Variants in KALRN observed in about 807,000 individuals in gnomAD.
KALRN encodes the protein kalirin.
A neutral mutation model predicts 353.7 loss-of-function variants in KALRN; 70 were observed. That is an observed-to-expected ratio of 0.20 (90% CI 0.16 to 0.24). The LOEUF (loss-of-function observed/expected upper bound fraction) is 0.24. Ranked by LOEUF, KALRN falls within the 10% of genes least tolerant of loss-of-function variation. The pLI is 1.00. For missense variants in KALRN, 2,791 were observed against 3,756.7 expected (o/e 0.74, Z 6.72); for synonymous variants, 1,391 against 1,434.8 (o/e 0.97, Z 0.69).
intron 25 of KALRN, among the ~76,000 whole-genome samples, chr3:124,473,576 A>G (rs561337488): frequency 8.5e-5 from 13 of 152,236 alleles, no homozygotes; most frequent in Non-Finnish European, 1.6e-4. Context: ...GAGTTCTTCC[A>G]TATGAAAACA....
chr3:124,201,423 G>C (rs1039251823), intron 1 of KALRN, among the ~76,000 whole-genome samples: 1 of 152,106 alleles, frequency 6.6e-6, no homozygotes, highest in Non-Finnish European at 1.5e-5. Context: ...CTTAGCTCCT[G>C]GTCACTCCAG....
intron 1 of KALRN, among the ~76,000 whole-genome samples, chr3:124,058,342 C>G (rs2041731400): frequency 6.6e-6 from 1 of 152,126 alleles, no homozygotes; most frequent in Non-Finnish European, 1.5e-5. Context: ...ATATCTTTCT[C>G]TGTGTCTTTA....
intron 33 of KALRN, among the ~76,000 whole-genome samples, chr3:124,523,612 C>G (rs939894294): frequency 6.6e-6 from 1 of 152,186 alleles, no homozygotes; most frequent in Non-Finnish European, 1.5e-5. Context: ...TTCTGTTTCA[C>G]GAAAGTACCC....
intron 1 of KALRN, among the ~76,000 whole-genome samples, chr3:124,187,597 A>G (rs2074387142): frequency 6.6e-6 from 1 of 152,226 alleles, no homozygotes; most frequent in South Asian, 2.1e-4. Flanking sequence ...AGAGGCCATG[A>G]ATGGCAGAGT....
chr3:124,107,508 A>C (rs1469206034), intron 1 of KALRN, among the ~76,000 whole-genome samples: 1 of 152,176 alleles, frequency 6.6e-6, no homozygotes, highest in African/African-American at 2.4e-5. Context: ...ACTTTTCCCC[A>C]CCAACCTGGC....
intron 6 of KALRN, among the ~76,000 whole-genome samples, chr3:124,318,229 G>A (rs975825289): frequency 6.6e-6 from 1 of 152,132 alleles, no homozygotes; most frequent in Non-Finnish European, 1.5e-5. Context: ...GTCTCCATCC[G>A]GCAGTGACAG....
intron 13 of KALRN, among the ~76,000 whole-genome samples, chr3:124,404,076 G>GA (rs2091212906): frequency 1.3e-5 from 2 of 148,640 alleles, no homozygotes; most frequent in Admixed American, 1.4e-4. Context: ...GAGAAGAAAG[G>GA]AGGGAGCTCA....
At chr3:124,457,638 C>T (rs963040405) in intron 23 of KALRN, among the ~76,000 whole-genome samples, 9 of 152,176 alleles carry the variant, frequency 5.9e-5, no homozygotes, top group East Asian at 3.9e-4. Context: ...TCTATCGCTT[C>T]TTTCAGGCAG....
intron 1 of KALRN, among the ~76,000 whole-genome samples, chr3:124,145,083 G>T (rs2067161710): frequency 6.6e-6 from 1 of 152,130 alleles, no homozygotes; most frequent in African/African-American, 2.4e-5. Context: ...TGGGCAAGAG[G>T]ATGCTTCCTG....
In KALRN at chr3:124,724,413, A is replaced by T. The variant is rs1039111818; in HGVS notation, c.*4943A>T. On this transcript the variant is annotated 3_prime_UTR_variant, in exon 60 of 60. Transcript: ENST00000682506. Reference sequence around the variant, plus strand: ...TGTGGAGTCTGGGTTAGACAAATGCAATATGTGACCTTTCAGTGAATTTAT... The same window carrying T: ...TGTGGAGTCTGGGTTAGACAAATGCTATATGTGACCTTTCAGTGAATTTAT... 9.2e-5 allele frequency: 14 copies of T among 152,116 alleles called. No individual in the cohort carries two copies. The highest frequency in any genetic ancestry group is 3.4e-4 in the African/African-American group (14 of 41,394). 9.4% of individuals were successfully genotyped at this position (152,116 alleles called of 1,614,324 possible).
chr3:124,476,167 A>C (rs1232496046), intron 26 of KALRN, among the ~76,000 whole-genome samples: 1 of 152,026 alleles, frequency 6.6e-6, no homozygotes, highest in Non-Finnish European at 1.5e-5. Flanking sequence ...TCATAATCTT[A>C]ATATATGAGT....
At chr3:124,094,524 C>G (rs1426352357) in intron 1 of KALRN, 2 of 394,556 alleles carry the variant, frequency 5.1e-6, no homozygotes, top group African/African-American at 4.0e-5. Context: ...TTCTCAAGAC[C>G]ACTGCAAACC....
chr3:124,309,794 A>G (rs2078070416), intron 6 of KALRN, among the ~76,000 whole-genome samples: 1 of 152,192 alleles, frequency 6.6e-6, no homozygotes, highest in Non-Finnish European at 1.5e-5. Flanking sequence ...CTCAACCAGA[A>G]AAAGGGCATC....
At chr3:124,071,094 GA>G (rs1312110698) in intron 1 of KALRN, among the ~76,000 whole-genome samples, 1 of 152,148 alleles carries the variant, frequency 6.6e-6, no homozygotes, top group Non-Finnish European at 1.5e-5. Context: ...AGGTGATCAG[GA>G]AGGGGAGGGA....
chr3:124,580,751 CAGTA>C (rs1274742779), intron 34 of KALRN, among the ~76,000 whole-genome samples: 4 of 152,068 alleles, frequency 2.6e-5, no homozygotes, highest in African/African-American at 9.7e-5. Flanking sequence ...AGTAGGCACT[CAGTA>C]AGTATTTGAT....
At position 124,723,839 on chromosome 3, in the gene KALRN, A is replaced by G. The variant is rs1454762927; in HGVS notation, c.*4369A>G. 6.6e-6 allele frequency: 1 copy of G among 152,232 alleles called. No homozygotes were observed. The highest frequency in any genetic ancestry group is 1.5e-5 in the Non-Finnish European group (1 of 68,024). 9.4% of individuals were successfully genotyped at this position (152,232 alleles called of 1,614,324 possible). A position where few individuals can be genotyped will look rare whatever the true frequency, so the allele number is the denominator to read the frequency against. ...CCTTCTCAAGCTTTATGCTCTGGAA[A>G]AAAGGACAGAGAAGAACCCAACAAC... On this transcript the variant is annotated 3_prime_UTR_variant, in exon 60 of 60. Transcript: ENST00000682506.
chr3:124,679,150 C>T (rs548634906), intron 50 of KALRN, among the ~76,000 whole-genome samples: 1 of 152,356 alleles, frequency 6.6e-6, no homozygotes, highest in East Asian at 1.9e-4. Context: ...CTCTCCTTCA[C>T]TCTCATCTGG....
chr3:124,221,187 G>A (rs1346078975), intron 1 of KALRN, among the ~76,000 whole-genome samples: 1 of 152,114 alleles, frequency 6.6e-6, no homozygotes, highest in Non-Finnish European at 1.5e-5. Context: ...CTTCATCCAT[G>A]ACGTACAGTT....
At chr3:124,551,280 G>A (rs2070495830) in intron 33 of KALRN, among the ~76,000 whole-genome samples, 1 of 152,266 alleles carries the variant, frequency 6.6e-6, no homozygotes, top group Admixed American at 6.5e-5. Context: ...GAAAGTATGG[G>A]GTCATAGATA....
Sources: allele counts gnomAD v4.1 joint callset (sites outside exome capture counted in the v4.1 genomes callset), GRCh38; gene constraint gnomAD v4.1.1; transcripts MANE v1.5; gene names NCBI Gene and HGNC (gene_info 2026-07-23, HGNC 2026-07-21).